The following PLA2G4E variants were observed in gnomAD, a reference collection of about 807,000 sequenced individuals.
PLA2G4E encodes phospholipase A2 group IVE.
A neutral mutation model predicts 109.1 loss-of-function variants in PLA2G4E; 84 were observed. The observed-to-expected ratio is 0.77, with a 90% CI of 0.65 to 0.92. PLA2G4E has a LOEUF of 0.92. PLA2G4E is among the 40% of genes least tolerant of loss of function. PLA2G4E has a pLI of 0.00. For missense variants in PLA2G4E, 1,057 were observed against 1,076.6 expected (o/e 0.98, Z 0.25); for synonymous variants, 469 against 436.1 (o/e 1.08, Z -0.94).
chr15:42,014,720 A>C (rs2068571771), intron 1 of PLA2G4E, among the ~76,000 whole-genome samples: 1 of 151,430 alleles, frequency 6.6e-6, no homozygotes, highest in East Asian at 1.9e-4. Flanking sequence ...CCTTCTGGTC[A>C]CTCTATTTTC....
intron 1 of PLA2G4E, among the ~76,000 whole-genome samples, chr15:42,037,938 A>C (rs561654507): frequency 1.3e-5 from 2 of 152,306 alleles, no homozygotes; most frequent in South Asian, 4.1e-4. Flanking sequence ...CCAGGCTGGT[A>C]GTGTGAGCTG....
rs79708563 is a variant in PLA2G4E at position 42,042,005 on chromosome 15, T to C, written c.183+8516A>G. On this transcript the variant is annotated intron_variant, in intron 1 of 19. Transcript: ENST00000399518. The stretch of plus-strand genomic sequence containing the variant: ...CTATTTGGAGGGAAATCTTGACTTC[T>C]CTGCCAACTTGACAAGGAGTGGAGA... Among the ~76,000 whole-genome samples, 322 of 152,340 alleles carry C rather than the reference T, an allele frequency of 2.1e-3. 1 individual carries two copies. The highest frequency in any genetic ancestry group is 7.6e-3 in the African/African-American group (314 of 41,584).
At chr15:41,991,546 C>A (rs1467166855) in intron 13 of PLA2G4E, among the ~76,000 whole-genome samples, 1 of 151,942 alleles carries the variant, frequency 6.6e-6, no homozygotes, top group Non-Finnish European at 1.5e-5. Context: ...TCAGAAGTGG[C>A]GAGGGCCTGG....
chr15:42,005,819 T>C (rs555732311), intron 4 of PLA2G4E, among the ~76,000 whole-genome samples, 171 bp downstream of exon 4: 1 of 152,326 alleles, frequency 6.6e-6, no homozygotes, highest in South Asian at 2.1e-4. Context: ...GGAGTTATTT[T>C]TACGACATCA....
At chr15:41,996,134 C>T (rs759732438) in intron 11 of PLA2G4E, among the ~76,000 whole-genome samples, 1 of 151,900 alleles carries the variant, frequency 6.6e-6, no homozygotes, top group African/African-American at 2.4e-5. Context: ...ATTGCTTAAG[C>T]CCAGGAGTTC....
chr15:42,034,935 G>A (rs1889182269), intron 1 of PLA2G4E, among the ~76,000 whole-genome samples: 2 of 152,138 alleles, frequency 1.3e-5, no homozygotes, highest in Non-Finnish European at 2.9e-5. Flanking sequence ...TGCCACTTGC[G>A]CCTGAACAGA....
intron 17 of PLA2G4E, among the ~76,000 whole-genome samples, chr15:41,986,370 C>T (rs1023812071): frequency 4.6e-5 from 7 of 152,120 alleles, no homozygotes; most frequent in Non-Finnish European, 7.4e-5. Flanking sequence ...ATTAAGAAGG[C>T]GAAAGTCAAT....
At chr15:42,038,681 G>C (rs948841858) in intron 1 of PLA2G4E, among the ~76,000 whole-genome samples, 1 of 152,194 alleles carries the variant, frequency 6.6e-6, no homozygotes, top group Non-Finnish European at 1.5e-5. Context: ...AGCTTTCTTA[G>C]AATTGACTAT....
At chr15:42,042,216 A>T (rs368181332) in intron 1 of PLA2G4E, among the ~76,000 whole-genome samples, 1 of 152,356 alleles carries the variant, frequency 6.6e-6, no homozygotes, top group East Asian at 1.9e-4. Flanking sequence ...ACTGATATGT[A>T]GAAATGACAA....
intron 6 of PLA2G4E, 126 bp from the exon 7 acceptor site, chr15:42,001,346 G>A: frequency 1.2e-6 from 1 of 846,642 alleles, no homozygotes. Flanking sequence ...TGATGCTGGG[G>A]AATGCAGAAT....
chr15:41,992,956 G>C, exon 13 of PLA2G4E: 2 of 1,609,966 alleles, frequency 1.2e-6, no homozygotes, highest in Non-Finnish European at 1.7e-6. Context: ...AGGTAGCCAT[G>C]GTCCTGGAAA....
At chr15:41,992,690 G>C (rs952704889) in intron 13 of PLA2G4E, 47 bp downstream of exon 13, 1 of 1,559,724 alleles carries the variant, frequency 6.4e-7, no homozygotes. Context: ...AAGAGAGCCA[G>C]GCATCAGCCA....
chr15:41,992,936 T>G, exon 13 of PLA2G4E: 1 of 1,613,198 alleles, frequency 6.2e-7, no homozygotes, highest in Non-Finnish European at 8.5e-7. Flanking sequence ...CCAGTCAGGG[T>G]CACGGTACAA....
intron 1 of PLA2G4E, among the ~76,000 whole-genome samples, chr15:42,024,687 G>A (rs1037488806): frequency 6.6e-6 from 1 of 152,080 alleles, no homozygotes; most frequent in African/African-American, 2.4e-5. Flanking sequence ...CCTGTCTCCA[G>A]CCTCCTCTCT....
intron 11 of PLA2G4E, among the ~76,000 whole-genome samples, chr15:41,996,424 T>C (rs1263077235): frequency 6.6e-6 from 1 of 150,922 alleles, no homozygotes; most frequent in Non-Finnish European, 1.5e-5. Flanking sequence ...CTGTCTGTTT[T>C]CCTTTGAGTG....
rs77939746 is a variant in PLA2G4E, at chr15:42,027,778, C to T, written c.184-14021G>A. 2.3e-3 allele frequency among the ~76,000 whole-genome samples: 347 copies of T among 150,644 alleles called. 1 individual carries two copies. Among genetic ancestry groups the T allele is most frequent in the African/African-American group, 8.0e-3 (327 of 41,002 alleles). ...CTCCTTCCCATGTTGGGAATTTGGC[C>T]TGAAGTCCTTGACCGCACTCTGTTT... On this transcript the variant is annotated intron_variant, in intron 1 of 19. Coordinates refer to ENST00000399518, the Ensembl canonical transcript of PLA2G4E.
chr15:42,019,425 G>C (rs919212969), intron 1 of PLA2G4E, among the ~76,000 whole-genome samples: 18 of 152,184 alleles, frequency 1.2e-4, no homozygotes, highest in Non-Finnish European at 2.2e-4. Context: ...CCCATCGCTG[G>C]GCCAGACATA....
chr15:42,005,865 G>A (rs2068470185), intron 4 of PLA2G4E, 125 bp downstream of exon 4: 1 of 1,193,300 alleles, frequency 8.4e-7, no homozygotes, highest in South Asian at 1.6e-5. Flanking sequence ...TAAACCAGCA[G>A]CACCATCTTT....
chr15:42,005,808 G>A (rs1237315206), intron 4 of PLA2G4E, among the ~76,000 whole-genome samples, 182 bp downstream of exon 4: 2 of 152,226 alleles, frequency 1.3e-5, no homozygotes, highest in Non-Finnish European at 2.9e-5. Context: ...CAGAAACTTA[G>A]GGAGTTATTT....
Sources: gnomAD v4.1 joint callset for allele counts (sites outside exome capture counted in the v4.1 genomes callset) on GRCh38, gnomAD v4.1.1 for gene constraint, MANE v1.5 for transcripts, NCBI Gene and HGNC (gene_info 2026-07-23, HGNC 2026-07-21) for gene names.